The following ARHGAP24 variants were observed in gnomAD, a reference collection of about 807,000 sequenced individuals.
The protein encoded by ARHGAP24 is Rho GTPase activating protein 24, also known as rho GTPase-activating protein 24.
In ARHGAP24, 50 loss-of-function variants were observed where a neutral mutation model predicts 76.4. The observed-to-expected ratio is 0.65, with a 90% confidence interval of 0.52 to 0.83. The LOEUF (loss-of-function observed/expected upper bound fraction) is 0.83. Among genes scored for constraint, ARHGAP24 ranks in the 40% least tolerant of loss-of-function variants. The pLI is 0.00. For missense variants in ARHGAP24, 930 were observed against 914.2 expected (o/e 1.02, Z -0.22); for synonymous variants, 345 against 323.3 (o/e 1.07, Z -0.72).
intron 2 of ARHGAP24, among the ~76,000 whole-genome samples, chr4:85,711,482 A>G (rs1298487159): frequency 6.6e-6 from 1 of 152,206 alleles, no homozygotes; most frequent in African/African-American, 2.4e-5. Context: ...TAGATAAAAT[A>G]TTATCTTAGT....
At chr4:85,611,677 G>T (rs1720387039) in intron 2 of ARHGAP24, among the ~76,000 whole-genome samples, 2 of 152,276 alleles carry the variant, frequency 1.3e-5, no homozygotes, top group Non-Finnish European at 1.5e-5. Context: ...TGAGGCAAAT[G>T]ATTCAGGTAC....
intron 1 of ARHGAP24, among the ~76,000 whole-genome samples, chr4:85,487,515 CAT>C (rs1191458257): frequency 9.9e-6 from 1 of 100,722 alleles, no homozygotes; most frequent in Non-Finnish European, 1.8e-5. Flanking sequence ...ATTATATAAA[CAT>C]ATATTTATTA....
chr4:85,824,256 T>C (rs1729607804), intron 3 of ARHGAP24, among the ~76,000 whole-genome samples: 1 of 152,242 alleles, frequency 6.6e-6, no homozygotes, highest in Non-Finnish European at 1.5e-5. Flanking sequence ...CAGTATTTGC[T>C]CTTCACAGCT....
intron 3 of ARHGAP24, among the ~76,000 whole-genome samples, chr4:85,809,563 CT>C (rs2110111551): frequency 6.6e-6 from 1 of 152,296 alleles, no homozygotes; most frequent in Admixed American, 6.5e-5. Context: ...AGCACCCACT[CT>C]TTTTTTCAGA....
At chr4:85,615,245 GTT>G (rs1209322158) in intron 2 of ARHGAP24, among the ~76,000 whole-genome samples, 8 of 151,622 alleles carry the variant, frequency 5.3e-5, no homozygotes, top group Non-Finnish European at 1.2e-4. Flanking sequence ...CTTCCTTTTT[GTT>G]TTTCTACCCT....
chr4:85,495,798 A>G (rs181289588), intron 1 of ARHGAP24, among the ~76,000 whole-genome samples: 184 of 152,318 alleles, frequency 1.2e-3, no homozygotes, highest in Middle Eastern at 0.01. Flanking sequence ...GCCTACATAG[A>G]AGTAGACAGA....
chr4:85,523,984 G>A (rs1724884111), intron 1 of ARHGAP24, among the ~76,000 whole-genome samples: 1 of 152,018 alleles, frequency 6.6e-6, no homozygotes, highest in South Asian at 2.1e-4. Flanking sequence ...TATATGGGTT[G>A]GTCATTTTCA....
intron 2 of ARHGAP24, among the ~76,000 whole-genome samples, chr4:85,670,626 T>C (rs1293470151): frequency 1.3e-5 from 2 of 152,204 alleles, no homozygotes; most frequent in African/African-American, 4.8e-5. Flanking sequence ...CATTTATTCT[T>C]TGTGACTGAA....
intron 3 of ARHGAP24, among the ~76,000 whole-genome samples, chr4:85,897,594 G>A (rs1734252314): frequency 6.6e-6 from 1 of 152,102 alleles, no homozygotes; most frequent in Non-Finnish European, 1.5e-5. Context: ...AATTAAAAGG[G>A]CTATGAAGCC....
intron 2 of ARHGAP24, among the ~76,000 whole-genome samples, chr4:85,608,221 A>T (rs1038870274): frequency 1.3e-5 from 2 of 152,202 alleles, no homozygotes; most frequent in Non-Finnish European, 2.9e-5. Flanking sequence ...AAACAGGGAG[A>T]GGAGACTGTT....
intron 3 of ARHGAP24, among the ~76,000 whole-genome samples, chr4:85,767,304 C>G (rs1210983591): frequency 1.3e-5 from 2 of 152,170 alleles, no homozygotes; most frequent in Non-Finnish European, 2.9e-5. Context: ...CCAGATTGCA[C>G]TGCTGCCAAC....
chr4:85,968,925 CT>C (rs1738792962), intron 5 of ARHGAP24, among the ~76,000 whole-genome samples: 1 of 152,030 alleles, frequency 6.6e-6, no homozygotes, highest in Non-Finnish European at 1.5e-5. Flanking sequence ...TTCATCATTT[CT>C]ATATAATTAG....
intron 3 of ARHGAP24, among the ~76,000 whole-genome samples, chr4:85,805,695 C>A (rs1191120731): frequency 6.6e-6 from 1 of 152,154 alleles, no homozygotes; most frequent in Admixed American, 6.5e-5. Flanking sequence ...TGTAAATTTT[C>A]TGAACTTCGG....
intron 3 of ARHGAP24, among the ~76,000 whole-genome samples, chr4:85,880,765 G>A (rs963906013): frequency 6.6e-6 from 1 of 152,100 alleles, no homozygotes; most frequent in Non-Finnish European, 1.5e-5. Context: ...TCCTGACCTC[G>A]TGATCCGCCC....
intron 2 of ARHGAP24, among the ~76,000 whole-genome samples, chr4:85,712,073 AC>A (rs1159403808): frequency 6.6e-6 from 1 of 152,164 alleles, no homozygotes; most frequent in Admixed American, 6.5e-5. Flanking sequence ...TGTGTCATTT[AC>A]CAACCCCTGA....
At chr4:85,626,171 G>T (rs1186875217) in intron 2 of ARHGAP24, among the ~76,000 whole-genome samples, 5 of 152,140 alleles carry the variant, frequency 3.3e-5, no homozygotes, top group Non-Finnish European at 4.4e-5. Context: ...AGCCTTGATG[G>T]TCTTTACAAT....
chr4:85,868,663 G>T (rs78881156), intron 3 of ARHGAP24, among the ~76,000 whole-genome samples: 1,883 of 152,212 alleles, frequency 0.012, 45 homozygotes, highest in African/African-American at 0.043. Flanking sequence ...AAAGTCTGTT[G>T]AGTATGGACT....
At chr4:85,876,604 G>A (rs1448923723) in intron 3 of ARHGAP24, among the ~76,000 whole-genome samples, 2 of 151,946 alleles carry the variant, frequency 1.3e-5, no homozygotes, top group African/African-American at 4.8e-5. Flanking sequence ...TAGGTGCCAA[G>A]GTCAATCACA....
rs182105346 is a variant in ARHGAP24 at position 85,503,191 on chromosome 4, G to T, written c.-21+27632G>T. ...GGTCTAAAATTCTCTTTTTTGTTGTGTCTCTGCCAGGCTTTCGTATCAGGA... is the reference window on the plus strand; with the variant it reads ...GGTCTAAAATTCTCTTTTTTGTTGTTTCTCTGCCAGGCTTTCGTATCAGGA... On this transcript the variant is annotated intron_variant, in intron 1 of 9. Coordinates refer to ENST00000395184, the MANE Select transcript of ARHGAP24 (RefSeq NM_001025616.3). Among the ~76,000 whole-genome samples the T allele has an allele frequency of 7.5e-3, 1,147 of 152,208 alleles. 8 individuals are homozygous for T. The highest frequency in any genetic ancestry group is 0.017 in the Middle Eastern group (5 of 294).
Sources: gnomAD v4.1 joint callset for allele counts (sites outside exome capture counted in the v4.1 genomes callset) on GRCh38, gnomAD v4.1.1 for gene constraint, MANE v1.5 for transcripts, NCBI Gene and HGNC (gene_info 2026-07-23, HGNC 2026-07-21) for gene names.